Variants in POLE2 observed in about 807,000 individuals in gnomAD.
POLE2 encodes the protein DNA polymerase epsilon 2, accessory subunit, also known as DNA polymerase epsilon subunit 2.
Under a neutral mutation model 79.4 loss-of-function variants are expected in POLE2, and 56 were observed. The observed-to-expected ratio is 0.71, with a 90% CI of 0.57 to 0.88. The LOEUF is 0.88. POLE2 is among the 40% of genes least tolerant of loss of function. The pLI is 0.00. For missense variants in POLE2, 598 were observed against 638.9 expected (o/e 0.94, Z 0.69); for synonymous variants, 212 against 214.0 (o/e 0.99, Z 0.08).
At chr14:49,665,008 C>G in intron 8 of POLE2, 99 bp downstream of exon 8, 1 of 688,068 alleles carries the variant, frequency 1.5e-6, no homozygotes. Flanking sequence ...AGAGAAGTTA[C>G]ATTGAGAACC....
At chr14:49,669,030 T>C (rs1230491877) in intron 6 of POLE2, among the ~76,000 whole-genome samples, 1 of 152,194 alleles carries the variant, frequency 6.6e-6, no homozygotes, top group Non-Finnish European at 1.5e-5. Context: ...GACCCATTTG[T>C]GTTCTCTTAT....
chr14:49,680,382 A>G (rs1886615130), intron 2 of POLE2, among the ~76,000 whole-genome samples: 1 of 152,052 alleles, frequency 6.6e-6, no homozygotes, highest in Non-Finnish European at 1.5e-5. Context: ...CTAAGCTCCC[A>G]GTTTTAATAA....
intron 3 of POLE2, chr14:49,677,256 T>C (rs900173312): frequency 1.5e-6 from 1 of 657,356 alleles, no homozygotes; most frequent in Non-Finnish European, 2.8e-6. Flanking sequence ...GTGCTAAGCA[T>C]GAGGCCCAGC....
At chr14:49,684,901 T>C (rs1887018832) in intron 1 of POLE2, among the ~76,000 whole-genome samples, 3 of 151,650 alleles carry the variant, frequency 2.0e-5, no homozygotes, top group Non-Finnish European at 4.4e-5. Context: ...GGAGTGAACC[T>C]GAGAGGCGGA....
At chr14:49,688,003 T>A (rs1053544497) in intron 1 of POLE2, 133 bp downstream of exon 1, 1 of 738,744 alleles carries the variant, frequency 1.4e-6, no homozygotes, top group African/African-American at 1.8e-5. Flanking sequence ...CGACCGCTTC[T>A]TAGAACTCTG....
intron 10 of POLE2, among the ~76,000 whole-genome samples, chr14:49,660,348 T>G (rs968431934): frequency 2.6e-5 from 4 of 152,214 alleles, no homozygotes; most frequent in African/African-American, 9.6e-5. Context: ...ATCCCCGTTG[T>G]TATGCAATAC....
chr14:49,678,324 C>A (rs958644702), intron 3 of POLE2, among the ~76,000 whole-genome samples: 5 of 151,882 alleles, frequency 3.3e-5, no homozygotes, highest in Non-Finnish European at 7.4e-5. Flanking sequence ...TTTCTTACCC[C>A]CAAGAGCAAC....
intron 2 of POLE2, among the ~76,000 whole-genome samples, chr14:49,681,645 G>A (rs535688270): frequency 6.6e-5 from 10 of 152,128 alleles, no homozygotes; most frequent in South Asian, 6.2e-4. Context: ...GTGGTGGCAC[G>A]CACCTGTAGT....
In POLE2 at chr14:49,687,299, AC is replaced by A. The variant is rs113436266; in HGVS notation, c.68+836del. ...AATACATATATATATATACACACAC[AC>A]CACACACACACACACACACACACAC... On this transcript the variant is annotated intron_variant, in intron 1 of 18. Coordinates refer to ENST00000216367, the MANE Select transcript of POLE2 (RefSeq NM_002692.4). Among the ~76,000 whole-genome samples, 145 of 98,022 alleles carry A rather than the reference AC, an allele frequency of 1.5e-3. 1 individual carries two copies. In the East Asian group the frequency reaches 0.018, roughly 12 times the overall value. The allele number at this position is 98,022 out of a possible 152,430, so 64.3% of individuals were successfully genotyped here. A position where few individuals can be genotyped will look rare whatever the true frequency, so the allele number is the denominator to read the frequency against.
chr14:49,650,540 A>G (rs1884143591), intron 16 of POLE2, 99 bp from the exon 17 acceptor site: 1 of 780,590 alleles, frequency 1.3e-6, no homozygotes, highest in East Asian at 3.3e-5. Flanking sequence ...ACCAAAAGGA[A>G]CCAGAAAATT....
chr14:49,673,479 TCAC>T (rs1202317585), intron 5 of POLE2, among the ~76,000 whole-genome samples: 1 of 152,222 alleles, frequency 6.6e-6, no homozygotes. Flanking sequence ...TTCTTCACAA[TCAC>T]CACCTTTTCC....
chr14:49,681,122 A>G (rs1886672382), intron 2 of POLE2, among the ~76,000 whole-genome samples: 1 of 152,334 alleles, frequency 6.6e-6, no homozygotes, highest in Admixed American at 6.5e-5. Flanking sequence ...ATGCTAAGAT[A>G]AAGTGGACAG....
chr14:49,657,596 G>A (rs952579308), intron 10 of POLE2, among the ~76,000 whole-genome samples: 1 of 151,722 alleles, frequency 6.6e-6, no homozygotes, highest in Admixed American at 6.6e-5. Flanking sequence ...ACATGCCACC[G>A]CATCCAGCCA....
chr14:49,671,446 T>C (rs1422669084), intron 5 of POLE2, among the ~76,000 whole-genome samples: 1 of 151,184 alleles, frequency 6.6e-6, no homozygotes, highest in Admixed American at 6.6e-5. Flanking sequence ...GTGAAACCCA[T>C]CTCTACTAAA....
intron 18 of POLE2, among the ~76,000 whole-genome samples, chr14:49,644,906 G>C (rs977268218): frequency 1.3e-5 from 2 of 152,030 alleles, no homozygotes; most frequent in Non-Finnish European, 2.9e-5. Context: ...GCCAGGCGTG[G>C]TGGCATGTGC....
At chr14:49,674,088 C>A in intron 5 of POLE2, 35 bp downstream of exon 5, 1 of 1,136,840 alleles carries the variant, frequency 8.8e-7, no homozygotes, top group South Asian at 1.2e-5. Context: ...CTCATTTTAC[C>A]CAGTATCCTC....
chr14:49,668,378 T>C (rs972103870), intron 6 of POLE2, among the ~76,000 whole-genome samples: 1 of 147,648 alleles, frequency 6.8e-6, no homozygotes, highest in African/African-American at 2.5e-5. Flanking sequence ...CTCAGGAGGC[T>C]GGGGCAGGAG....
At position 49,674,470 on chromosome 14, in the gene POLE2, A is replaced by G. The variant is rs761773328; in HGVS notation, c.246-43T>C. 1.8e-4 allele frequency: 207 copies of G among 1,167,124 alleles called. No individual in the cohort carries two copies. In the East Asian group the frequency reaches 4.6e-3, roughly 26 times the overall value. 72.3% of individuals were successfully genotyped at this position (1,167,124 alleles called of 1,614,324 possible). On this transcript the variant is annotated intron_variant, in intron 3 of 18. Transcript: ENST00000216367. ...AAATACAGACCTGATTTACTAAAAC[A>G]TAAGTACTCTAGGTGAACATGATAA...
chr14:49,677,853 T>G, intron 3 of POLE2: 1 of 435,114 alleles, frequency 2.3e-6, no homozygotes, highest in Non-Finnish European at 4.1e-6. Flanking sequence ...CTGGAGGTAC[T>G]GCAGCCCCCA....
Sources: allele counts gnomAD v4.1 joint callset (sites outside exome capture counted in the v4.1 genomes callset), GRCh38; gene constraint gnomAD v4.1.1; transcripts MANE v1.5; gene names NCBI Gene and HGNC (gene_info 2026-07-23, HGNC 2026-07-21).